Variants in FKTN observed in about 807,000 individuals in gnomAD.
FKTN encodes ribitol-5-phosphate transferase FKTN.
Under a neutral mutation model 58.6 loss-of-function variants are expected in FKTN, and 47 were observed. The observed-to-expected ratio is 0.80, with a 90% CI of 0.63 to 1.02. FKTN has a LOEUF of 1.02. Among genes scored for constraint, FKTN ranks in the 50% least tolerant of loss-of-function variants. The pLI is 0.00. For missense variants in FKTN, 516 were observed against 537.3 expected (o/e 0.96, Z 0.39); for synonymous variants, 178 against 191.9 (o/e 0.93, Z 0.60).
chr9:105,600,240 C>G (rs1237144855), intron 4 of FKTN, among the ~76,000 whole-genome samples: 2 of 152,068 alleles, frequency 1.3e-5, no homozygotes, highest in African/African-American at 4.8e-5. Flanking sequence ...TTTATCTCAT[C>G]CTTTATCCTT....
chr9:105,609,089 T>A (rs993268840), intron 7 of FKTN, among the ~76,000 whole-genome samples: 2 of 152,198 alleles, frequency 1.3e-5, no homozygotes, highest in African/African-American at 4.8e-5. Flanking sequence ...GGAGTGTTCT[T>A]TTATTTACCT....
At chr9:105,583,020 G>A (rs1236302471) in intron 3 of FKTN, among the ~76,000 whole-genome samples, 1 of 152,208 alleles carries the variant, frequency 6.6e-6, no homozygotes, top group East Asian at 1.9e-4. Flanking sequence ...CAGGCTTCTA[G>A]TTTTGTGACA....
chr9:105,564,845 G>A (rs928255806), intron 1 of FKTN, among the ~76,000 whole-genome samples: 2 of 152,136 alleles, frequency 1.3e-5, no homozygotes, highest in Non-Finnish European at 2.9e-5. Context: ...ACACGTAATT[G>A]TCAGATTCAC....
chr9:105,626,304 A>C (rs993512969), intron 10 of FKTN, among the ~76,000 whole-genome samples: 1 of 152,210 alleles, frequency 6.6e-6, no homozygotes, highest in African/African-American at 2.4e-5. Flanking sequence ...TTTATTTCTC[A>C]GGTTTCTGGA....
chr9:105,596,057 A>G (rs904556865), intron 3 of FKTN, among the ~76,000 whole-genome samples: 15 of 152,212 alleles, frequency 9.9e-5, no homozygotes, highest in Non-Finnish European at 1.5e-4. Context: ...ATTACGATGT[A>G]TGTTAGGCAA....
Position 105,635,551 on chromosome 9 carries a change from C to T in FKTN, c.*287C>T, listed in dbSNP as rs1833972091. The T allele has an allele frequency of 7.8e-7, 1 of 1,285,450 alleles. No homozygotes were observed. 79.6% of individuals were successfully genotyped at this position (1,285,450 alleles called of 1,614,324 possible). On this transcript the variant is annotated 3_prime_UTR_variant, in exon 11 of 11. Coordinates refer to ENST00000357998, the MANE Select transcript of FKTN (RefSeq NM_001079802.2). ...ACAACTCAATTTTCCTTTGAGGGAACCCTCCCCCACCCTTTGAAGAGTTCA... is the reference window on the plus strand; with the variant it reads ...ACAACTCAATTTTCCTTTGAGGGAATCCTCCCCCACCCTTTGAAGAGTTCA...
intron 4 of FKTN, among the ~76,000 whole-genome samples, chr9:105,600,496 T>G (rs887547439): frequency 3.9e-5 from 6 of 152,148 alleles, no homozygotes; most frequent in Non-Finnish European, 7.4e-5. Context: ...ATTCTACTGT[T>G]GAATTTTTGT....
chr9:105,640,674 A>G lies in FKTN; in HGVS notation c.*5410A>G, dbSNP rs1834364787. The G allele has an allele frequency of 6.6e-6, 1 of 152,204 alleles. No individual in the cohort carries two copies. The highest frequency in any genetic ancestry group is 1.5e-5 in the Non-Finnish European group (1 of 68,046). 9.4% of individuals were successfully genotyped at this position (152,204 alleles called of 1,614,324 possible). Reference sequence around the variant, plus strand: ...ACAGAGATTTTGTAGGGACCCATTAACAAGCTCCTATATAATTATAAGCAG... The same window carrying G: ...ACAGAGATTTTGTAGGGACCCATTAGCAAGCTCCTATATAATTATAAGCAG... On this transcript the variant is annotated 3_prime_UTR_variant, in exon 11 of 11. Coordinates refer to ENST00000357998, the MANE Select transcript of FKTN (RefSeq NM_001079802.2).
At chr9:105,564,637 A>T (rs1315239683) in intron 1 of FKTN, among the ~76,000 whole-genome samples, 1 of 152,218 alleles carries the variant, frequency 6.6e-6, no homozygotes, top group Non-Finnish European at 1.5e-5. Flanking sequence ...TCCAAGAAAT[A>T]TGGGACTATG....
chr9:105,634,961 C>T (rs1833906445), intron 10 of FKTN, 90 bp from the exon 11 acceptor site: 6 of 1,009,802 alleles, frequency 5.9e-6, no homozygotes, highest in Admixed American at 1.7e-5. Flanking sequence ...TGGGAGAGCA[C>T]TGTCCTTCAG....
In FKTN at chr9:105,635,341, G is replaced by A; in HGVS notation, c.*77G>A. ...CTGTTTAAAAAATACATGTCTATTT[G>A]TCAAACATAAGTGGGAACCAAAGAA... On this transcript the variant is annotated 3_prime_UTR_variant, in exon 11 of 11. Transcript: ENST00000357998. 1 of 1,600,122 alleles carries A rather than the reference G, an allele frequency of 6.2e-7. No homozygotes were observed. The highest frequency in any genetic ancestry group is 8.5e-7 in the Non-Finnish European group (1 of 1,173,198).
At chr9:105,576,515 G>T (rs1841740979) in intron 3 of FKTN, among the ~76,000 whole-genome samples, 2 of 148,388 alleles carry the variant, frequency 1.3e-5, no homozygotes, top group Non-Finnish European at 3.0e-5. Context: ...TTTTATGGCT[G>T]CATAGTATTC....
At chr9:105,594,904 T>A (rs1826476958) in intron 3 of FKTN, among the ~76,000 whole-genome samples, 1 of 152,222 alleles carries the variant, frequency 6.6e-6, no homozygotes, top group African/African-American at 2.4e-5. Flanking sequence ...TTGTGAAACA[T>A]GAATATTTCC....
At chr9:105,610,838 A>C (rs1829790606) in intron 7 of FKTN, among the ~76,000 whole-genome samples, 1 of 152,052 alleles carries the variant, frequency 6.6e-6, no homozygotes, top group Non-Finnish European at 1.5e-5. Flanking sequence ...TTTAGTATCG[A>C]ATAGTTCAGG....
intron 3 of FKTN, among the ~76,000 whole-genome samples, chr9:105,584,553 C>G (rs1843581356): frequency 6.6e-6 from 1 of 152,050 alleles, no homozygotes; most frequent in African/African-American, 2.4e-5. Flanking sequence ...GGTGCAGTGG[C>G]TCACACCTGT....
At chr9:105,601,110 A>T (rs1174017939) in intron 4 of FKTN, 35 bp from the exon 5 acceptor site, 1 of 1,199,292 alleles carries the variant, frequency 8.3e-7, no homozygotes, top group Admixed American at 1.8e-5. Flanking sequence ...GTGTTGGCTT[A>T]CTGGAATTAC....
intron 3 of FKTN, among the ~76,000 whole-genome samples, chr9:105,579,208 C>T (rs1842376086): frequency 6.6e-6 from 1 of 152,130 alleles, no homozygotes; most frequent in African/African-American, 2.4e-5. Flanking sequence ...CTTCTGTTAG[C>T]TTTTGAATGT....
At chr9:105,559,008 A>C (rs1837747390) in intron 1 of FKTN, among the ~76,000 whole-genome samples, 1 of 152,256 alleles carries the variant, frequency 6.6e-6, no homozygotes, top group African/African-American at 2.4e-5. Context: ...GGGTGTTCTG[A>C]CAAGGAAGAA....
intron 3 of FKTN, among the ~76,000 whole-genome samples, chr9:105,594,438 C>T (rs1267256288): frequency 6.6e-6 from 1 of 152,126 alleles, no homozygotes; most frequent in Non-Finnish European, 1.5e-5. Context: ...AATTAAAGCC[C>T]CACTTGGGAT....
Sources: gnomAD v4.1 joint callset for allele counts (sites outside exome capture counted in the v4.1 genomes callset) on GRCh38, gnomAD v4.1.1 for gene constraint, MANE v1.5 for transcripts, NCBI Gene and HGNC (gene_info 2026-07-23, HGNC 2026-07-21) for gene names.